HAVCR1: variants seen among roughly 807,000 people sequenced by gnomAD.
HAVCR1 encodes the protein hepatitis A virus cellular receptor 1.
In HAVCR1, 34 loss-of-function variants were observed where a neutral mutation model predicts 32.0. The observed-to-expected ratio is 1.06, with a 90% CI of 0.81 to 1.42. The LOEUF is 1.42. HAVCR1 is among the 40% of genes most tolerant of loss of function. HAVCR1 has a pLI of 0.00. For missense variants in HAVCR1, 420 were observed against 442.3 expected, an observed-to-expected ratio of 0.95 and a Z score of 0.45; for synonymous variants, 178 against 170.3, an observed-to-expected ratio of 1.05 and a Z score of -0.35.
At chr5:157,064,119 TG>T in the HAVCR1 span, among the ~76,000 whole-genome samples, 1 of 152,104 alleles carries the variant, frequency 6.6e-6, no homozygotes, top group Non-Finnish European at 1.5e-5. Context: ...AGGACCACTG[TG>T]GTTGCTAGAT....
intron 6 of HAVCR1, among the ~76,000 whole-genome samples, chr5:157,040,170 T>C (rs549336248): frequency 1.3e-5 from 2 of 151,402 alleles, no homozygotes; most frequent in Admixed American, 1.3e-4. Flanking sequence ...TGGTGGCAGG[T>C]GCCTGTAATC....
intron 6 of HAVCR1, among the ~76,000 whole-genome samples, chr5:157,039,639 G>A (rs565889364): frequency 3.9e-5 from 6 of 152,294 alleles, no homozygotes; most frequent in East Asian, 3.9e-4. Context: ...GTGAGCCAGC[G>A]TGCCCTGCCA....
At chr5:157,044,914 T>C (rs928045773) in intron 5 of HAVCR1, among the ~76,000 whole-genome samples, 20 of 152,154 alleles carry the variant, frequency 1.3e-4, no homozygotes, top group African/African-American at 4.8e-4. Flanking sequence ...GTCCTTTTCA[T>C]ACACACAGTT....
chr5:157,029,986 T>C, intron 8 of HAVCR1, 145 bp from the exon 9 acceptor site: 1 of 627,708 alleles, frequency 1.6e-6, no homozygotes, highest in Admixed American at 2.9e-5. Flanking sequence ...ATAAAATAAA[T>C]AGTGCCTTCC....
At chr5:157,064,335 T>C in the HAVCR1 span, among the ~76,000 whole-genome samples, 2 of 56,736 alleles carry the variant, frequency 3.5e-5, no homozygotes, top group African/African-American at 7.3e-5. Flanking sequence ...AGACCCTGTC[T>C]CTACAAAAAA....
intron 1 of HAVCR1, 128 bp from the exon 2 acceptor site, chr5:157,058,083 G>T: frequency 1.5e-6 from 1 of 681,674 alleles, no homozygotes; most frequent in Non-Finnish European, 2.7e-6. Context: ...TGCTCTGCTG[G>T]AAATGAGAGA....
At position 157,029,680 on chromosome 5, in the gene HAVCR1, T is replaced by C. The variant is rs1017369783; in HGVS notation, c.*53A>G. The C allele has an allele frequency of 6.2e-7, 1 of 1,610,642 alleles. No homozygotes were observed. Among genetic ancestry groups the C allele is most frequent in the Non-Finnish European group, 8.5e-7 (1 of 1,179,396 alleles). ...AAAAGACGTCTGATGTGCTGATGTC[T>C]GTTCAGTCTTCTGCACTCATGGGCG... On this transcript the variant is annotated 3_prime_UTR_variant, in exon 9 of 9. Transcript: ENST00000523175.
the HAVCR1 span, among the ~76,000 whole-genome samples, chr5:157,068,223 G>A: frequency 6.6e-6 from 1 of 152,040 alleles, no homozygotes; most frequent in Admixed American, 6.6e-5. Context: ...GCAGTGAGCT[G>A]AGATGGAGCC....
upstream of HAVCR1, among the ~76,000 whole-genome samples, chr5:157,060,772 T>A (rs12514515): frequency 0.073 from 11,176 of 152,170 alleles, 1,342 homozygotes; most frequent in African/African-American, 0.25. Context: ...TTCCATAGGA[T>A]CGATTCTGTC....
intron 2 of HAVCR1, among the ~76,000 whole-genome samples, chr5:157,057,400 A>G (rs1296670936): frequency 1.6e-5 from 1 of 64,268 alleles, no homozygotes; most frequent in East Asian, 3.8e-4. Context: ...AGAAAGAAAG[A>G]AAGAAAGAAA....
chr5:157,046,148 A>G (rs780141284), intron 5 of HAVCR1, among the ~76,000 whole-genome samples: 1 of 152,214 alleles, frequency 6.6e-6, no homozygotes, highest in Non-Finnish European at 1.5e-5. Context: ...TAAATTAACC[A>G]GCTACCAGGA....
At chr5:157,068,891 A>C in the HAVCR1 span, among the ~76,000 whole-genome samples, 2 of 152,202 alleles carry the variant, frequency 1.3e-5, no homozygotes, top group Non-Finnish European at 2.9e-5. Flanking sequence ...GATTATAGGC[A>C]TGAGCCACCA....
intron 6 of HAVCR1, among the ~76,000 whole-genome samples, chr5:157,039,119 C>T (rs879731170): frequency 2.0e-5 from 3 of 152,166 alleles, no homozygotes; most frequent in Middle Eastern, 3.4e-3. Context: ...GACTCTGTCT[C>T]GAATAAATAA....
the HAVCR1 span, among the ~76,000 whole-genome samples, chr5:157,066,034 C>A: frequency 4.0e-5 from 4 of 101,012 alleles, no homozygotes; most frequent in South Asian, 1.4e-3. Flanking sequence ...CCAGCCTGGG[C>A]GAGAGAGCGA....
chr5:157,051,099 G>A (rs1184679196), intron 4 of HAVCR1, among the ~76,000 whole-genome samples: 1 of 152,106 alleles, frequency 6.6e-6, no homozygotes, highest in Non-Finnish European at 1.5e-5. Context: ...AGAATGACAA[G>A]CTATTTCCCT....
chr5:157,052,086 G>A lies in HAVCR1; in HGVS notation c.673+275C>T, dbSNP rs149018539. On this transcript the variant is annotated intron_variant, in intron 4 of 8. Coordinates refer to ENST00000523175, the MANE Select transcript of HAVCR1 (RefSeq NM_001173393.3). ...CAGATCCACAGTATCCCTGTTAGAT[G>A]TTCTACATCCGTGGTCCAGCTATTT... is the stretch of plus-strand genomic sequence containing the variant. Among the ~76,000 whole-genome samples the A allele has an allele frequency of 3.7e-4, 57 of 152,314 alleles. No homozygotes were observed. The East Asian group carries it at 0.011, about 29-fold the overall frequency.
chr5:157,044,456 A>G (rs1356015341), intron 5 of HAVCR1, among the ~76,000 whole-genome samples: 2 of 67,230 alleles, frequency 3.0e-5, no homozygotes, highest in Non-Finnish European at 5.7e-5. Flanking sequence ...AGAAAGAAAG[A>G]AAGAAAGAAA....
the HAVCR1 span, among the ~76,000 whole-genome samples, chr5:157,066,055 T>TAAAA: frequency 0.058 from 3,905 of 66,796 alleles, 627 homozygotes; most frequent in African/African-American, 0.23. Context: ...GACTCCGTCT[T>TAAAA]AAAAAAAAAA....
At chr5:157,030,716 G>A (rs751384919) in intron 8 of HAVCR1, among the ~76,000 whole-genome samples, 8 of 152,178 alleles carry the variant, frequency 5.3e-5, no homozygotes, top group African/African-American at 1.2e-4. Flanking sequence ...TTTAACTTAC[G>A]TGTAGCATTT....
Sources: gnomAD v4.1 joint callset for allele counts (sites outside exome capture counted in the v4.1 genomes callset) on GRCh38, gnomAD v4.1.1 for gene constraint, MANE v1.5 for transcripts, NCBI Gene and HGNC (gene_info 2026-07-23, HGNC 2026-07-21) for gene names.